GABPB1: variants seen among roughly 807,000 people sequenced by gnomAD.
GABPB1 encodes GA-binding protein subunit beta-1.
A neutral mutation model predicts 45.9 loss-of-function variants in GABPB1; 15 were observed. The observed-to-expected ratio is 0.33, with a 90% CI of 0.22 to 0.50. GABPB1 has a LOEUF of 0.50. Ranked by LOEUF, GABPB1 falls within the 20% of genes least tolerant of loss-of-function variation. The pLI is 0.98. For synonymous variants in GABPB1, 143 were observed against 154.4 expected (o/e 0.93, Z 0.55); for missense variants, 252 against 457.5 (o/e 0.55, Z 4.10).
At chr15:50,305,830 G>A (rs1567504919) in intron 2 of GABPB1, among the ~76,000 whole-genome samples, 1 of 151,960 alleles carries the variant, frequency 6.6e-6, no homozygotes, top group Non-Finnish European at 1.5e-5. Flanking sequence ...CACTCAGGCT[G>A]GAGTCCAATG....
At chr15:50,279,401 A>G (rs1478900883) in intron 8 of GABPB1, among the ~76,000 whole-genome samples, 2 of 152,248 alleles carry the variant, frequency 1.3e-5, no homozygotes, top group African/African-American at 4.8e-5. Context: ...CACCTTTAAA[A>G]TGAAGAGTGC....
At chr15:50,289,334 A>T in intron 7 of GABPB1, 149 bp downstream of exon 7, 1 of 551,670 alleles carries the variant, frequency 1.8e-6, no homozygotes, top group South Asian at 2.9e-5. Flanking sequence ...AATATAACTC[A>T]AGGCAAAAAT....
At position 50,303,141 on chromosome 15, in the gene GABPB1, A is replaced by G. The variant is rs1452403231; in HGVS notation, c.277-18T>C. ...GCACCATGCTACAAAAATATTTCAAAGAGTTTACTAAAATATGAAATATCA... is the reference window on the plus strand; with the variant it reads ...GCACCATGCTACAAAAATATTTCAAGGAGTTTACTAAAATATGAAATATCA... On this transcript the variant is annotated intron_variant, in intron 3 of 8. Transcript: ENST00000380877. 1.3e-6 allele frequency: 2 copies of G among 1,562,642 alleles called. No homozygotes were observed. Among genetic ancestry groups the G allele is most frequent in the African/African-American group, 2.7e-5 (2 of 72,850 alleles).
intron 1 of GABPB1, among the ~76,000 whole-genome samples, chr15:50,337,110 TATATATATATATATATATAA>T (rs2048171660): frequency 3.1e-4 from 2 of 6,434 alleles, no homozygotes; most frequent in Non-Finnish European, 4.8e-4. Context: ...TATATATATA[TATATATATATATATATATAA>T]TATGAAGAGG....
chr15:50,340,862 T>C (rs1295745586), intron 1 of GABPB1, among the ~76,000 whole-genome samples: 1 of 114,796 alleles, frequency 8.7e-6, no homozygotes, highest in Admixed American at 9.1e-5. Context: ...TTATTACATA[T>C]GGTTTATTAC....
chr15:50,300,819 C>T lies in GABPB1; in HGVS notation c.667G>A (p.Ala223Thr). ...ATLAALAEASAPLSNSSETPV... is the reference protein window; with the variant it reads ...ATLAALAEASTPLSNSSETPV... ...GTTTCTGAAGAATTGGACAATGGAG[C>T]AGATGCTTCAGCTAAGGCAGCTAAT... The change falls in exon 6 of 9, where the codon GCT (alanine) becomes ACT (threonine). Residue 223 changes from alanine (A) to threonine (T), a missense_variant. Ala to Thr is a moderately conservative substitution (Grantham distance 58, BLOSUM62 0). Coordinates refer to ENST00000380877, the MANE Select transcript of GABPB1 (RefSeq NM_016654.5). 1.2e-6 allele frequency: 2 copies of T among 1,611,748 alleles called. No individual in the cohort carries two copies. The highest frequency in any genetic ancestry group is 8.5e-7 in the Non-Finnish European group (1 of 1,177,902).
In GABPB1 at chr15:50,283,150, T is replaced by C. The variant is rs76870258; in HGVS notation, c.999+2918A>G. 3.7e-3 allele frequency among the ~76,000 whole-genome samples: 559 copies of C among 152,322 alleles called. 1 individual carries two copies. The highest frequency in any genetic ancestry group is 0.01 in the Middle Eastern group (3 of 294). On this transcript the variant is annotated intron_variant, in intron 8 of 8. Coordinates refer to ENST00000380877, the MANE Select transcript of GABPB1 (RefSeq NM_016654.5). ...TGAAGTCACACAATAAAGTAAGTAA[T>C]AGAAATCTGTTACTCCTAATACACT...
At chr15:50,340,564 AAAAAAAAC>A (rs1192294842) in intron 1 of GABPB1, among the ~76,000 whole-genome samples, 11 of 148,154 alleles carry the variant, frequency 7.4e-5, no homozygotes, top group African/African-American at 9.7e-5. Flanking sequence ...AAAAAAAAAA[AAAAAAAAC>A]ATTACCACAT....
chr15:50,342,741 G>C (rs531808746), intron 1 of GABPB1, among the ~76,000 whole-genome samples: 1 of 152,230 alleles, frequency 6.6e-6, no homozygotes, highest in East Asian at 1.9e-4. Flanking sequence ...AACATATATA[G>C]ATAATTACCA....
chr15:50,350,803 T>C (rs1361356191), intron 1 of GABPB1: 1 of 152,228 alleles, frequency 6.6e-6, no homozygotes, highest in Non-Finnish European at 1.5e-5. Context: ...TGAAAGAGAA[T>C]TGAAATCTGC....
intron 1 of GABPB1, chr15:50,353,564 A>AT (rs1207549140): frequency 2.7e-5 from 4 of 149,352 alleles, no homozygotes; most frequent in African/African-American, 1.0e-4. Context: ...TAATGGATTT[A>AT]TTTTTTGTTT....
chr15:50,282,574 A>AAAAAAAAAAAAAAAAAAG, intron 8 of GABPB1, among the ~76,000 whole-genome samples: 1 of 150,980 alleles, frequency 6.6e-6, no homozygotes. Context: ...AAAAAAAAAA[A>AAAAAAAAAAAAAAAAAAG]ACAGAGACGG....
chr15:50,336,469 G>A (rs775691841), intron 1 of GABPB1, among the ~76,000 whole-genome samples: 4 of 151,604 alleles, frequency 2.6e-5, no homozygotes, highest in African/African-American at 9.7e-5. Flanking sequence ...CGAGGCAGGC[G>A]GATTGCTTAA....
intron 1 of GABPB1, among the ~76,000 whole-genome samples, chr15:50,329,227 C>G (rs931352093): frequency 3.3e-5 from 5 of 152,190 alleles, no homozygotes; most frequent in African/African-American, 1.2e-4. Context: ...CTCACATCTA[C>G]CAAGATGACA....
In GABPB1 at chr15:50,340,920, TTACATATTACATA is replaced by T; in HGVS notation, c.-1+14052_-1+14064del. ...ATATGGTTTATTACCATATGTAATA[TTACATATTACATA>T]TGGTTTATTACCATATGTAATATTA... is the stretch of plus-strand genomic sequence containing the variant. On this transcript the variant is annotated intron_variant, in intron 1 of 8. Coordinates refer to ENST00000380877, the MANE Select transcript of GABPB1 (RefSeq NM_016654.5). Among the ~76,000 whole-genome samples, 5 of 22,210 alleles carry T rather than the reference TTACATATTACATA, an allele frequency of 2.3e-4. 1 individual carries two copies. In the South Asian group the frequency reaches 5.0e-3, roughly 22 times the overall value. The allele number at this position is 22,210 out of a possible 152,430, so 14.6% of individuals were successfully genotyped here.
At chr15:50,286,297 A>G in intron 7 of GABPB1, 114 bp from the exon 8 acceptor site, 1 of 673,814 alleles carries the variant, frequency 1.5e-6, no homozygotes, top group East Asian at 3.2e-5. Flanking sequence ...TTCCAAAACA[A>G]TAATTCCAAA....
Position 50,289,481 on chromosome 15 carries a change from A to G in GABPB1, c.883+2T>C. On this transcript the variant is annotated splice_donor_variant, in intron 7 of 8. Transcript: ENST00000380877. LOFTEE classifies it high-confidence loss of function. ...AACTTTATATAAATGTCTACTACTA[A>G]CCTTGTTGTCCATCTGGCATGGTCA... 1 of 1,595,054 alleles carries G rather than the reference A, an allele frequency of 6.3e-7. No individual in the cohort carries two copies. Among genetic ancestry groups the G allele is most frequent in the Non-Finnish European group, 8.5e-7 (1 of 1,170,254 alleles).
intron 2 of GABPB1, among the ~76,000 whole-genome samples, chr15:50,306,500 G>A (rs1170665025): frequency 2.0e-5 from 3 of 151,770 alleles, no homozygotes; most frequent in Admixed American, 6.6e-5. Context: ...GAGGGTGGGC[G>A]CCTGTTATCC....
At chr15:50,306,264 C>T (rs1459228384) in intron 2 of GABPB1, among the ~76,000 whole-genome samples, 1 of 152,088 alleles carries the variant, frequency 6.6e-6, no homozygotes, top group Non-Finnish European at 1.5e-5. Flanking sequence ...CCACTGTGCT[C>T]AGCCAATATA....
Sources: gnomAD v4.1 joint callset for allele counts (sites outside exome capture counted in the v4.1 genomes callset) on GRCh38, gnomAD v4.1.1 for gene constraint, MANE v1.5 for transcripts, NCBI Gene and HGNC (gene_info 2026-07-23, HGNC 2026-07-21) for gene names.